CSF1: variants seen among roughly 807,000 people sequenced by gnomAD.
CSF1 encodes colony stimulating factor 1.
CSF1 carries 9 observed loss-of-function variants against 48.9 expected under a neutral mutation model. The observed-to-expected ratio is 0.18, with a 90% CI of 0.11 to 0.32. CSF1 has a LOEUF of 0.32. CSF1 is among the 10% of genes least tolerant of loss of function. CSF1 has a pLI of 1.00. For missense variants in CSF1, 672 were observed against 697.9 expected, an observed-to-expected ratio of 0.96 and a Z score of 0.42; for synonymous variants, 305 against 284.1, an observed-to-expected ratio of 1.07 and a Z score of -0.74.
chr1:109,923,718 C>G lies in CSF1; in HGVS notation c.1097C>G (p.Ala366Gly), dbSNP rs1484806639. Residue 366 changes from alanine (A) to glycine (G), a missense_variant, in exon 6 of 9, where the codon GCC (alanine) becomes GGC (glycine). Around this residue, in one of 3 missense-constraint regions of CSF1, gnomAD observed 591 missense variants for 593.6 expected, o/e 1.00. Transcript: ENST00000329608. Reference protein sequence around the residue: ...GQQPADVTGTALPRVGPVRPT... With the variant: ...GQQPADVTGTGLPRVGPVRPT... ...CAGCCGGCAGATGTAACTGGTACCG[C>G]CTTGCCCAGGGTGGGCCCCGTGAGG... is the stretch of plus-strand genomic sequence containing the variant. 4 of 1,612,618 alleles carry G rather than the reference C, an allele frequency of 2.5e-6. No individual in the cohort carries two copies. Among genetic ancestry groups the G allele is most frequent in the East Asian group, 2.2e-5 (1 of 44,852 alleles).
At chr1:109,927,939 C>T (rs925042448) in intron 8 of CSF1, among the ~76,000 whole-genome samples, 7 of 152,230 alleles carry the variant, frequency 4.6e-5, no homozygotes, top group African/African-American at 1.7e-4. Context: ...TGTGGCCTGG[C>T]TGTACCCAGC....
intron 4 of CSF1, among the ~76,000 whole-genome samples, chr1:109,920,015 C>T (rs1036980212): frequency 6.6e-6 from 1 of 151,892 alleles, no homozygotes; most frequent in South Asian, 2.1e-4. Flanking sequence ...AAGCAGCTGT[C>T]GCACTGATGA....
At chr1:109,914,936 A>C (rs1654832243) in intron 2 of CSF1, among the ~76,000 whole-genome samples, 1 of 152,230 alleles carries the variant, frequency 6.6e-6, no homozygotes, top group Non-Finnish European at 1.5e-5. Flanking sequence ...CCTGTATCTC[A>C]TTCTAATCAG....
chr1:109,911,404 C>T (rs1489882695), intron 1 of CSF1, among the ~76,000 whole-genome samples: 2 of 152,228 alleles, frequency 1.3e-5, no homozygotes, highest in African/African-American at 2.4e-5. Flanking sequence ...CACCAAGGCA[C>T]GGGCGGAGTG....
rs551065514 is a variant in CSF1 at position 109,910,964 on chromosome 1, CAGCGAGCGAGCG to C, written c.-49_-38del. 9 of 1,150,616 alleles carry C rather than the reference CAGCGAGCGAGCG, an allele frequency of 7.8e-6. No individual in the cohort carries two copies. The highest frequency in any genetic ancestry group is 4.2e-5 in the East Asian group (1 of 23,606). 71.3% of individuals were successfully genotyped at this position (1,150,616 alleles called of 1,614,324 possible). On this transcript the variant is annotated 5_prime_UTR_variant, in exon 1 of 9. Coordinates refer to ENST00000329608, the MANE Select transcript of CSF1 (RefSeq NM_000757.6). Reference sequence around the variant, plus strand: ...GCCGGGGCGCCCACTCCGCAGCAGCCAGCGAGCGAGCGAGCGAGCGAGGGCGGCCGACGCGCC... The same window carrying C: ...GCCGGGGCGCCCACTCCGCAGCAGCCAGCGAGCGAGGGCGGCCGACGCGCC...
chr1:109,911,608 C>G (rs983080196), intron 1 of CSF1, among the ~76,000 whole-genome samples: 5 of 151,800 alleles, frequency 3.3e-5, no homozygotes, highest in African/African-American at 1.2e-4. Flanking sequence ...AGCCCACAGG[C>G]AGGAGCTACG....
Position 109,923,398 on chromosome 1 carries a change from G to C in CSF1, c.777G>C (p.Gln259His). Residue 259 changes from glutamine to histidine, a missense_variant, in exon 6 of 9, where the codon CAG (glutamine) becomes CAC (histidine). Gln to His is a conservative substitution (Grantham distance 24). Transcript: ENST00000329608. ...AGCGGCCACCCAGGAGCACCTGCCAGAGCTTTGAGCCGCCAGAGACCCCAG... is the reference window on the plus strand; with the variant it reads ...AGCGGCCACCCAGGAGCACCTGCCACAGCTTTGAGCCGCCAGAGACCCCAG... ...AKQRPPRSTC[Q>H]SFEPPETPVV... 1 of 1,613,896 alleles carries C rather than the reference G, an allele frequency of 6.2e-7. No individual in the cohort carries two copies. The highest frequency in any genetic ancestry group is 8.5e-7 in the Non-Finnish European group (1 of 1,179,934).
chr1:109,911,619 G>GAAGTTCCAGCCCACAGGC (rs1244133629), intron 1 of CSF1, among the ~76,000 whole-genome samples: 24 of 152,114 alleles, frequency 1.6e-4, no homozygotes, highest in Non-Finnish European at 2.8e-4. Flanking sequence ...AGGAGCTACG[G>GAAGTTCCAGCCCACAGGC]AGGACTTGGG....
intron 4 of CSF1, among the ~76,000 whole-genome samples, chr1:109,917,897 ACGG>A (rs1647315028): frequency 1.3e-5 from 2 of 152,326 alleles, no homozygotes; most frequent in African/African-American, 4.8e-5. Flanking sequence ...TTTGGGGGTG[ACGG>A]TAGTGGTGGT....
At position 109,929,166 on chromosome 1, in the gene CSF1, C is replaced by G. The variant is rs1305446336; in HGVS notation, c.*328C>G. On this transcript the variant is annotated 3_prime_UTR_variant, in exon 9 of 9. Transcript: ENST00000329608. ...AGGGGCTGCACCCTCCTCTCACTCC[C>G]TTCCATGCCGGAACCCAGGCCAGGG... 3 of 152,874 alleles carry G rather than the reference C, an allele frequency of 2.0e-5. No homozygotes were observed. The highest frequency in any genetic ancestry group is 4.4e-5 in the Non-Finnish European group (3 of 68,182). 9.5% of individuals were successfully genotyped at this position (152,874 alleles called of 1,614,324 possible). A position where few individuals can be genotyped will look rare whatever the true frequency, so the allele number is the denominator to read the frequency against.
Position 109,917,353 on chromosome 1 carries a change from A to G in CSF1, c.286A>G (p.Thr96Ala), listed in dbSNP as rs1265503397. The G allele has an allele frequency of 2.5e-6, 4 of 1,614,082 alleles. No homozygotes were observed. In the African/African-American group the frequency reaches 5.3e-5, roughly 22 times the overall value. The stretch of plus-strand genomic sequence containing the variant: ...CCTGGTACAAGACATAATGGAGGAC[A>G]CCATGCGCTTCAGAGATAACACCCC... ...FLLVQDIMEDTMRFRDNTPNA... is the reference protein window; with the variant it reads ...FLLVQDIMEDAMRFRDNTPNA... Residue 96 changes from threonine to alanine, a missense_variant, in exon 4 of 9, where the codon ACC (threonine) becomes GCC (alanine). Thr to Ala is a moderately conservative substitution (Grantham distance 58, BLOSUM62 0). This residue lies in a region of CSF1 where 591 missense variants were observed against 593.6 expected (regional missense o/e 1.00). Coordinates refer to ENST00000329608, the MANE Select transcript of CSF1 (RefSeq NM_000757.6).
At chr1:109,915,745 C>G (rs1417063031) in intron 3 of CSF1, 49 bp downstream of exon 3, 1 of 1,469,142 alleles carries the variant, frequency 6.8e-7, no homozygotes, top group Admixed American at 1.7e-5. Flanking sequence ...GCATGCAACT[C>G]CCAGGGTGGG....
At chr1:109,927,113 G>T (rs1377033545) in intron 8 of CSF1, among the ~76,000 whole-genome samples, 2 of 152,154 alleles carry the variant, frequency 1.3e-5, no homozygotes, top group Non-Finnish European at 2.9e-5. Flanking sequence ...CTGTTGCTTG[G>T]GGAGCCCATT....
chr1:109,912,105 G>C (rs184171570), intron 1 of CSF1, among the ~76,000 whole-genome samples: 43 of 152,162 alleles, frequency 2.8e-4, no homozygotes, highest in Admixed American at 7.2e-4. Context: ...GTGCCTCACT[G>C]AGAGAGAGGA....
At chr1:109,915,844 C>G in intron 3 of CSF1, 148 bp downstream of exon 3, 2 of 700,062 alleles carry the variant, frequency 2.9e-6, no homozygotes, top group East Asian at 5.4e-5. Context: ...TCTGGGGTGC[C>G]AGGATCCAGG....
intron 1 of CSF1, among the ~76,000 whole-genome samples, chr1:109,912,270 A>G (rs1274844176): frequency 6.6e-6 from 1 of 152,108 alleles, no homozygotes; most frequent in Non-Finnish European, 1.5e-5. Flanking sequence ...GTCTCTCCAG[A>G]GGCCTTGTTG....
intron 1 of CSF1, among the ~76,000 whole-genome samples, chr1:109,912,200 A>G (rs1654718622): frequency 6.6e-6 from 1 of 152,042 alleles, no homozygotes; most frequent in African/African-American, 2.4e-5. Flanking sequence ...ATGAGGAAAG[A>G]AGAGAAAGAC....
chr1:109,924,261 T>TG (rs1004336649), intron 6 of CSF1, 71 bp downstream of exon 6: 1 of 1,383,862 alleles, frequency 7.2e-7, no homozygotes. Flanking sequence ...GGGGTGCAGG[T>TG]GGGGGGACAG....
At chr1:109,915,611 C>A in intron 2 of CSF1, 23 bp from the exon 3 acceptor site, 2 of 1,607,534 alleles carry the variant, frequency 1.2e-6, no homozygotes, top group Non-Finnish European at 1.7e-6. Context: ...ACCCTGCAAT[C>A]GTTGGCCTGC....
Sources: allele counts gnomAD v4.1 joint callset (sites outside exome capture counted in the v4.1 genomes callset), GRCh38; gene constraint gnomAD v4.1.1; regional missense constraint gnomAD v4.1.1; transcripts MANE v1.5; gene names NCBI Gene and HGNC (gene_info 2026-07-23, HGNC 2026-07-21).